GRIP2: variants seen among roughly 807,000 people sequenced by gnomAD.
GRIP2 encodes the protein glutamate receptor-interacting protein 2.
A neutral mutation model predicts 108.3 loss-of-function variants in GRIP2; 58 were observed. The ratio of observed to expected loss-of-function variants is 0.54; its 90% confidence interval spans 0.43 to 0.67. GRIP2 has a LOEUF of 0.67. GRIP2 is among the 30% of genes least tolerant of loss of function. The pLI is 0.00. For missense variants in GRIP2, 1,278 were observed against 1,430.6 expected (o/e 0.89, Z 1.72); for synonymous variants, 586 against 598.2 (o/e 0.98, Z 0.30).
upstream of GRIP2, among the ~76,000 whole-genome samples, chr3:14,541,381 T>G (rs1473823206): frequency 6.6e-6 from 1 of 152,182 alleles, no homozygotes; most frequent in Non-Finnish European, 1.5e-5. Context: ...CTGGCTCCCA[T>G]GGAGTTCCTG....
At chr3:14,533,298 G>A (rs911535820) in intron 1 of GRIP2, among the ~76,000 whole-genome samples, 29 of 152,170 alleles carry the variant, frequency 1.9e-4, no homozygotes, top group Admixed American at 1.6e-3. Flanking sequence ...ATTAAAATAC[G>A]TCTTATCCTG....
intron 1 of GRIP2, among the ~76,000 whole-genome samples, chr3:14,527,382 GGAAAGGAAA>G (rs1694586455): frequency 1.6e-5 from 2 of 123,860 alleles, no homozygotes; most frequent in Non-Finnish European, 3.7e-5. Context: ...GGAAAGGAAA[GGAAAGGAAA>G]GAAAGGAAAG....
At position 14,512,061 on chromosome 3, in the gene GRIP2, C is replaced by T. The variant is rs879852953; in HGVS notation, c.1721-582G>A. Among the ~76,000 whole-genome samples, 7 of 152,062 alleles carry T rather than the reference C, an allele frequency of 4.6e-5. No individual in the cohort carries two copies. Among genetic ancestry groups the T allele is most frequent in the East Asian group, 1.9e-4 (1 of 5,180 alleles). On this transcript the variant is annotated intron_variant, in intron 14 of 23. Coordinates refer to ENST00000621039, the MANE Select transcript of GRIP2 (RefSeq NM_001080423.4). This position sits in a 1 kb window ranked among gnomAD's most constrained non-coding sequence, Gnocchi z 5.1. ...GGCGGTAAATGTTCAGTCAGGTGGTCGGGGAAGGCCTTGTCAAGTGACATT... is the reference window on the plus strand; with the variant it reads ...GGCGGTAAATGTTCAGTCAGGTGGTTGGGGAAGGCCTTGTCAAGTGACATT...
At chr3:14,579,436 G>C in the GRIP2 span, among the ~76,000 whole-genome samples, 1 of 152,210 alleles carries the variant, frequency 6.6e-6, no homozygotes. Context: ...AAATGTCCCT[G>C]AGGCAACCTT....
chr3:14,507,498 G>A lies in GRIP2; in HGVS notation c.2218+63C>T. 1 of 1,587,500 alleles carries A rather than the reference G, an allele frequency of 6.3e-7. No individual in the cohort carries two copies. The highest frequency in any genetic ancestry group is 8.6e-7 in the Non-Finnish European group (1 of 1,158,684). Reference sequence around the variant, plus strand: ...TGTGAGGGTGTGCAGGCAAAGCCTGGCACAGAGGGATTGCCCTTCCTAAAC... The same window carrying A: ...TGTGAGGGTGTGCAGGCAAAGCCTGACACAGAGGGATTGCCCTTCCTAAAC... On this transcript the variant is annotated intron_variant, in intron 18 of 23. Coordinates refer to ENST00000621039, the MANE Select transcript of GRIP2 (RefSeq NM_001080423.4). This position sits in a 1 kb window ranked among gnomAD's most constrained non-coding sequence, Gnocchi z 4.6.
chr3:14,513,594 C>T (rs1009018642), intron 13 of GRIP2, 71 bp downstream of exon 13: 8 of 1,519,286 alleles, frequency 5.3e-6, no homozygotes, highest in African/African-American at 4.1e-5. Context: ...TTTGCACAGG[C>T]GAGGCAGGAT....
the GRIP2 span, among the ~76,000 whole-genome samples, chr3:14,576,241 C>A: frequency 6.6e-6 from 1 of 152,226 alleles, no homozygotes; most frequent in Non-Finnish European, 1.5e-5. Flanking sequence ...GAGCCTTCCA[C>A]GCAATTGGCG....
the GRIP2 span, among the ~76,000 whole-genome samples, chr3:14,561,285 A>G: frequency 6.6e-6 from 1 of 152,222 alleles, no homozygotes; most frequent in South Asian, 2.1e-4. Flanking sequence ...GCTGGGAGCC[A>G]GGAGGTCTGA....
the GRIP2 span, chr3:14,573,478 G>T: frequency 6.5e-7 from 1 of 1,543,678 alleles, no homozygotes; most frequent in Non-Finnish European, 8.9e-7. Context: ...GGCACCTCAG[G>T]GTTGAGGAAA....
the GRIP2 span, among the ~76,000 whole-genome samples, chr3:14,579,012 G>A: frequency 7.2e-5 from 11 of 152,248 alleles, no homozygotes; most frequent in Admixed American, 5.2e-4. Flanking sequence ...TGACACTTGC[G>A]TATCAGTGTT....
intron 10 of GRIP2, 71 bp from the exon 11 acceptor site, chr3:14,517,284 G>T: frequency 2.1e-6 from 3 of 1,442,602 alleles, no homozygotes; most frequent in Non-Finnish European, 2.8e-6. Flanking sequence ...GTGGGTGCTG[G>T]GAAGCCACCC....
chr3:14,520,276 G>A lies in GRIP2; in HGVS notation c.864C>T (p.Ser288=), dbSNP rs368271978. The A allele has an allele frequency of 5.1e-5, 83 of 1,613,180 alleles. No individual in the cohort carries two copies. Among genetic ancestry groups the A allele is most frequent in the Middle Eastern group, 3.3e-4 (2 of 6,026 alleles). ...TGTGGTCTCCAGGGTGCAGGGCTCCGCTCCTGGCCAGGCAGGGGAGTGAAG... is the reference window on the plus strand; with the variant it reads ...TGTGGTCTCCAGGGTGCAGGGCTCCACTCCTGGCCAGGCAGGGGAGTGAAG... ...RIKPASVVDR[S]GALHPGDHIL... The change falls in exon 9 of 24, where the codon AGC becomes AGT. Residue 288 remains serine (S), a synonymous_variant. Coordinates refer to ENST00000621039, the MANE Select transcript of GRIP2 (RefSeq NM_001080423.4).
At chr3:14,499,378 TCGGCGAATCCA>T (rs1693704651) in intron 21 of GRIP2, among the ~76,000 whole-genome samples, 1 of 64,934 alleles carries the variant, frequency 1.5e-5, no homozygotes, top group Admixed American at 2.3e-4. Context: ...ACAAAACAAG[TCGGCGAATCCA>T]TACTCAGGGA....
At chr3:14,561,043 T>C (rs1695307379), upstream of GRIP2, among the ~76,000 whole-genome samples, 1 of 152,188 alleles carries the variant, frequency 6.6e-6, no homozygotes, top group Non-Finnish European at 1.5e-5. Flanking sequence ...GACTGGAAGA[T>C]CAGGAAGACA....
At chr3:14,588,593 A>G in the GRIP2 span, among the ~76,000 whole-genome samples, 1 of 151,866 alleles carries the variant, frequency 6.6e-6, no homozygotes, top group East Asian at 1.9e-4. Flanking sequence ...GCCCTTCAGG[A>G]CTCCCGCCGG....
At chr3:14,589,337 T>C in the GRIP2 span, among the ~76,000 whole-genome samples, 14 of 152,214 alleles carry the variant, frequency 9.2e-5, no homozygotes, top group African/African-American at 1.4e-4. Flanking sequence ...TATTCACAGT[T>C]GCTTCTATAG....
rs1339221819 is a variant in GRIP2 at position 14,521,590 on chromosome 3, C to A, written c.712+52G>T. 35 of 1,533,090 alleles carry A rather than the reference C, an allele frequency of 2.3e-5. No homozygotes were observed. Among genetic ancestry groups the A allele is most frequent in the Non-Finnish European group, 3.0e-5 (34 of 1,135,582 alleles). 95.0% of individuals were successfully genotyped at this position (1,533,090 alleles called of 1,614,324 possible). A position where few individuals can be genotyped will look rare whatever the true frequency, so the allele number is the denominator to read the frequency against. On this transcript the variant is annotated intron_variant, in intron 7 of 23. Transcript: ENST00000621039. This position sits in a 1 kb window ranked among gnomAD's most constrained non-coding sequence, Gnocchi z 5.1. ...GATCCATGGCCACTGCCACCTCCCC[C>A]CATCCCAGGCCTCCTCCTGCCCCAA...
chr3:14,555,996 C>G, exon 1 of GRIP2: 1 of 398,854 alleles, frequency 2.5e-6, no homozygotes, highest in Middle Eastern at 6.3e-4. Context: ...GCAGCCTGCC[C>G]CAGCCTCCCA....
chr3:14,595,294 C>T, the GRIP2 span, among the ~76,000 whole-genome samples: 1 of 152,160 alleles, frequency 6.6e-6, no homozygotes, highest in Admixed American at 6.5e-5. Flanking sequence ...TCCCAAAGCG[C>T]TGGGATTACA....
Sources: gnomAD v4.1 joint callset for allele counts (sites outside exome capture counted in the v4.1 genomes callset) on GRCh38, gnomAD v4.1.1 for gene constraint, Gnocchi (gnomAD v3.1) non-coding constraint, MANE v1.5 for transcripts, NCBI Gene and HGNC (gene_info 2026-07-23, HGNC 2026-07-21) for gene names.